S1PR2: variants seen among roughly 807,000 people sequenced by gnomAD.
The protein encoded by S1PR2 is sphingosine 1-phosphate receptor 2.
Under a neutral mutation model 16.1 loss-of-function variants are expected in S1PR2, and 9 were observed. The observed-to-expected ratio is 0.56, with a 90% confidence interval of 0.34 to 0.98. The LOEUF is 0.98. Among genes scored for constraint, S1PR2 ranks in the 50% least tolerant of loss-of-function variants. The pLI is 0.02. For synonymous variants in S1PR2, 224 were observed against 233.9 expected (o/e 0.96, Z 0.38); for missense variants, 361 against 488.4 (o/e 0.74, Z 2.46).
chr19:10,226,237 G>T (rs773903217), intron 1 of S1PR2, among the ~76,000 whole-genome samples: 1 of 152,146 alleles, frequency 6.6e-6, no homozygotes, highest in East Asian at 1.9e-4. Context: ...TTGAGGCCAC[G>T]GGTGCTCCCA....
chr19:10,225,232 T>G (rs1243612403), intron 1 of S1PR2, among the ~76,000 whole-genome samples: 2 of 152,034 alleles, frequency 1.3e-5, no homozygotes, highest in Non-Finnish European at 2.9e-5. Flanking sequence ...TTTATTTATC[T>G]ATATTTTAAA....
Position 10,224,272 on chromosome 19 carries a change from T to A in S1PR2, c.634A>T (p.Ile212Phe). Residue 212 changes from isoleucine to phenylalanine, a missense_variant, in exon 2 of 2, where the codon ATC becomes TTC. Coordinates refer to ENST00000646641, the MANE Select transcript of S1PR2 (RefSeq NM_004230.4). The stretch of plus-strand genomic sequence containing the variant: ...TGGCTTGAGCGGACCACGCAGTAGA[T>A]GCGCACGTACAGGGCCACGATGGCC... ...LLAIVALYVR[I>F]YCVVRSSHAD... The A allele has an allele frequency of 6.2e-7, 1 of 1,613,970 alleles. No individual in the cohort carries two copies. Among genetic ancestry groups the A allele is most frequent in the Non-Finnish European group, 8.5e-7 (1 of 1,180,030 alleles).
intron 1 of S1PR2, 113 bp from the exon 2 acceptor site, chr19:10,225,060 A>G: frequency 1.6e-6 from 1 of 614,340 alleles, no homozygotes. Context: ...CTCTTCGAGG[A>G]AGGGCCACAT....
At position 10,221,518 on chromosome 19, in the gene S1PR2, GC is replaced by G. The variant is rs2039592796; in HGVS notation, c.*2325del. ...TGGGGAGCTCTATGAGGGGAAACAAGCCCCTGACTGGCTCCTTGCCCCCCAA... is the reference window on the plus strand; with the variant it reads ...TGGGGAGCTCTATGAGGGGAAACAAGCCCTGACTGGCTCCTTGCCCCCCAA... On this transcript the variant is annotated 3_prime_UTR_variant, in exon 2 of 2. Coordinates refer to ENST00000646641, the MANE Select transcript of S1PR2 (RefSeq NM_004230.4). The G allele has an allele frequency of 6.6e-6, 1 of 152,338 alleles. No individual in the cohort carries two copies. Among genetic ancestry groups the G allele is most frequent in the African/African-American group, 2.4e-5 (1 of 41,454 alleles). The allele number at this position is 152,338 out of a possible 1,614,324, so 9.4% of individuals were successfully genotyped here. A position where few individuals can be genotyped will look rare whatever the true frequency, so the allele number is the denominator to read the frequency against.
chr19:10,230,535 A>G (rs1330898672), intron 1 of S1PR2: 1 of 154,594 alleles, frequency 6.5e-6, no homozygotes, highest in African/African-American at 2.4e-5. Flanking sequence ...GGGTGAGTCA[A>G]CCCGTGCCTG....
intron 1 of S1PR2, among the ~76,000 whole-genome samples, chr19:10,230,637 G>C (rs2039668566): frequency 6.6e-6 from 1 of 152,366 alleles, no homozygotes; most frequent in South Asian, 2.1e-4. Context: ...CCCTGAGCCG[G>C]AGTTGAAAGA....
chr19:10,225,431 C>T (rs1161687397), intron 1 of S1PR2, among the ~76,000 whole-genome samples: 1 of 138,400 alleles, frequency 7.2e-6, no homozygotes, highest in East Asian at 2.2e-4. Context: ...GAGTCTCCCT[C>T]TGTTGCCAAG....
intron 1 of S1PR2, among the ~76,000 whole-genome samples, chr19:10,227,724 C>A (rs141378756): frequency 2.1e-4 from 32 of 152,206 alleles, no homozygotes; most frequent in African/African-American, 7.7e-4. Flanking sequence ...GGGCGCTCTA[C>A]GGCCAGCCCT....
intron 1 of S1PR2, among the ~76,000 whole-genome samples, chr19:10,228,122 A>C (rs569604451): frequency 3.6e-4 from 49 of 137,904 alleles, no homozygotes; most frequent in Non-Finnish European, 6.4e-4. Flanking sequence ...CCAACATGGT[A>C]AAACCCCCCT....
rs2039675898 is a variant in S1PR2 at position 10,231,299 on chromosome 19, G to C, written c.-138C>G. On this transcript the variant is annotated 5_prime_UTR_variant, in exon 1 of 2. Transcript: ENST00000646641. ...GGCTGGGGCTGGGGTTGCCAGCCGG[G>C]CTCGGCTAAGTCCCGGGGCTGGGAC... 1 of 152,316 alleles carries C rather than the reference G, an allele frequency of 6.6e-6. No individual in the cohort carries two copies. Among genetic ancestry groups the C allele is most frequent in the Non-Finnish European group, 1.5e-5 (1 of 68,114 alleles). The allele number at this position is 152,316 out of a possible 1,614,324, so 9.4% of individuals were successfully genotyped here.
intron 1 of S1PR2, among the ~76,000 whole-genome samples, chr19:10,230,673 T>C (rs2039669301): frequency 6.6e-6 from 1 of 152,186 alleles, no homozygotes; most frequent in Admixed American, 6.5e-5. Context: ...ACGCAGTCAC[T>C]TTCTCTTTCC....
Position 10,221,558 on chromosome 19 carries a change from C to G in S1PR2, c.*2286G>C, listed in dbSNP as rs968078166. On this transcript the variant is annotated 3_prime_UTR_variant, in exon 2 of 2. Coordinates refer to ENST00000646641, the MANE Select transcript of S1PR2 (RefSeq NM_004230.4). ...CTTGCCCCCCAAAGACCCGCTCCCC[C>G]AGGCTTTGCATTCACAAGAAATTAC... 9.8e-5 allele frequency: 15 copies of G among 152,324 alleles called. No individual in the cohort carries two copies. Among genetic ancestry groups the G allele is most frequent in the Non-Finnish European group, 2.2e-4 (15 of 68,064 alleles). The allele number at this position is 152,324 out of a possible 1,614,324, so 9.4% of individuals were successfully genotyped here.
Position 10,224,843 on chromosome 19 carries a change from G to C in S1PR2, c.63C>G (p.Thr21=). The C allele has an allele frequency of 6.2e-7, 1 of 1,614,110 alleles. No homozygotes were observed. The highest frequency in any genetic ancestry group is 1.1e-5 in the South Asian group (1 of 91,084). ...PNKVQEHYNY[T]KETLETQETT... ...TCTCCTGCGTTTCCAGCGTCTCCTT[G>C]GTATAATTATAGTGTTCCTGGACCT... Residue 21 remains threonine (T), a synonymous_variant, in exon 2 of 2, where the codon ACC becomes ACG. Coordinates refer to ENST00000646641, the MANE Select transcript of S1PR2 (RefSeq NM_004230.4).
At chr19:10,226,997 C>A (rs1175504844) in intron 1 of S1PR2, among the ~76,000 whole-genome samples, 1 of 148,378 alleles carries the variant, frequency 6.7e-6, no homozygotes, top group African/African-American at 2.5e-5. Flanking sequence ...CCCCCCCCAT[C>A]GCCACCCACC....
At position 10,224,466 on chromosome 19, in the gene S1PR2, C is replaced by G; in HGVS notation, c.440G>C (p.Arg147Pro). 6.2e-7 allele frequency: 1 copy of G among 1,613,850 alleles called. No individual in the cohort carries two copies. Among genetic ancestry groups the G allele is most frequent in the Non-Finnish European group, 8.5e-7 (1 of 1,180,032 alleles). ...VKLYGSDKSC[R>P]MLLLIGASWL... The stretch of plus-strand genomic sequence containing the variant: ...CGAGGCCCCGATGAGCAGAAGCATG[C>G]GGCAGCTCTTGTCGCTGCCATACAG... The change falls in exon 2 of 2, where the codon CGC becomes CCC. Residue 147 changes from arginine to proline, a missense_variant. By Grantham distance (103) the Arg-to-Pro change is moderately radical. Transcript: ENST00000646641.
At chr19:10,227,983 T>C (rs1259392126) in intron 1 of S1PR2, among the ~76,000 whole-genome samples, 4 of 151,938 alleles carry the variant, frequency 2.6e-5, no homozygotes, top group African/African-American at 9.7e-5. Context: ...CCAAGAGATT[T>C]GCTGTGGCTT....
intron 1 of S1PR2, among the ~76,000 whole-genome samples, chr19:10,225,698 G>A (rs780494179): frequency 1.3e-5 from 2 of 151,650 alleles, no homozygotes; most frequent in African/African-American, 2.4e-5. Flanking sequence ...GGGCCCAGCC[G>A]CCTGGCTAGT....
At chr19:10,230,626 T>A (rs2039668393) in intron 1 of S1PR2, 1 of 152,850 alleles carries the variant, frequency 6.5e-6, no homozygotes, top group African/African-American at 2.4e-5. Flanking sequence ...CCACGACCCA[T>A]CCCTGAGCCG....
rs2039619306 is a variant in S1PR2 at position 10,224,683 on chromosome 19, G to A, written c.223C>T (p.Leu75=). 6.2e-7 allele frequency: 1 copy of A among 1,614,056 alleles called. No homozygotes were observed. Among genetic ancestry groups the A allele is most frequent in the Non-Finnish European group, 8.5e-7 (1 of 1,180,052 alleles). The part of the protein sequence containing the change: ...HSAMYLFLGN[L]AASDLLAGVA... The stretch of plus-strand genomic sequence containing the variant: ...CCTGCCAGTAGATCGGAGGCGGCCA[G>A]GTTGCCCAGAAACAGGTACATTGCC... Residue 75 remains leucine (L), a synonymous_variant, in exon 2 of 2, where the codon CTG becomes TTG. Coordinates refer to ENST00000646641, the MANE Select transcript of S1PR2 (RefSeq NM_004230.4).
Sources: gnomAD v4.1 joint callset for allele counts (sites outside exome capture counted in the v4.1 genomes callset) on GRCh38, gnomAD v4.1.1 for gene constraint, MANE v1.5 for transcripts, NCBI Gene and HGNC (gene_info 2026-07-23, HGNC 2026-07-21) for gene names.